The following RIC1 variants were observed in gnomAD, a reference collection of about 807,000 sequenced individuals.
RIC1 encodes guanine nucleotide exchange factor subunit RIC1.
In RIC1, 88 loss-of-function variants were observed where a neutral mutation model predicts 169.0. The observed-to-expected ratio is 0.52, with a 90% confidence interval of 0.44 to 0.62. RIC1 has a LOEUF of 0.62. Among genes scored for constraint, RIC1 ranks in the 20% least tolerant of loss-of-function variants. The pLI is 0.00. For synonymous variants in RIC1, 790 were observed against 601.5 expected (o/e 1.31, Z -4.59); for missense variants, 1,877 against 1,725.5 (o/e 1.09, Z -1.56).
At chr9:5,746,111 T>C (rs1284628430) in intron 11 of RIC1, 28 bp downstream of exon 11, 2 of 1,575,080 alleles carry the variant, frequency 1.3e-6, no homozygotes, top group South Asian at 1.2e-5. Flanking sequence ...TCTGATTTTT[T>C]AGTGTCTTTT....
At chr9:5,756,157 T>A in intron 15 of RIC1, 55 bp from the exon 16 acceptor site, 1 of 1,169,414 alleles carries the variant, frequency 8.6e-7, no homozygotes, top group Non-Finnish European at 1.1e-6. Context: ...AAGTATTTGG[T>A]CATCCCTAGT....
chr9:5,721,656 T>C (rs1823597394), intron 6 of RIC1, among the ~76,000 whole-genome samples: 1 of 152,244 alleles, frequency 6.6e-6, no homozygotes, highest in Non-Finnish European at 1.5e-5. Context: ...TTTTTGGGCT[T>C]GAAAGTGGGT....
intron 4 of RIC1, 41 bp downstream of exon 4, chr9:5,714,044 T>C: frequency 8.0e-7 from 1 of 1,256,190 alleles, no homozygotes; most frequent in Non-Finnish European, 1.1e-6. Context: ...GTGATGACAG[T>C]AGACAATGTA....
chr9:5,734,255 C>T (rs1389041201), intron 7 of RIC1, among the ~76,000 whole-genome samples: 2 of 151,846 alleles, frequency 1.3e-5, no homozygotes, highest in Admixed American at 1.3e-4. Context: ...TGCAGGCATG[C>T]ACCACCATGC....
intron 2 of RIC1, among the ~76,000 whole-genome samples, chr9:5,669,710 C>G (rs188927604): frequency 3.3e-5 from 5 of 152,208 alleles, no homozygotes; most frequent in African/African-American, 1.2e-4. Context: ...TGGGTTCTTG[C>G]AGTGGCAAAG....
At chr9:5,764,762 G>A (rs1042342978) in intron 19 of RIC1, among the ~76,000 whole-genome samples, 2 of 152,130 alleles carry the variant, frequency 1.3e-5, no homozygotes, top group African/African-American at 2.4e-5. Context: ...TTTTGGTTCC[G>A]GGTCACTCCC....
chr9:5,755,670 C>T (rs575760427), intron 15 of RIC1, among the ~76,000 whole-genome samples: 1 of 152,156 alleles, frequency 6.6e-6, no homozygotes, highest in African/African-American at 2.4e-5. Context: ...TGCCTGTAAT[C>T]CAAGCACTTT....
At chr9:5,675,648 A>G (rs925704259) in intron 2 of RIC1, among the ~76,000 whole-genome samples, 1 of 152,196 alleles carries the variant, frequency 6.6e-6, no homozygotes, top group Non-Finnish European at 1.5e-5. Context: ...TTCTGATATA[A>G]AAATAAAGCT....
In RIC1 at chr9:5,662,461, G is replaced by C. The variant is rs903448917; in HGVS notation, c.252+5771G>C. Among the ~76,000 whole-genome samples the C allele has an allele frequency of 4.4e-5, 6 of 136,894 alleles. No homozygotes were observed. The Admixed American group carries it at 4.6e-4, about 10-fold the overall frequency. The allele number at this position is 136,894 out of a possible 152,430, so 89.8% of individuals were successfully genotyped here. ...ATTCAGCTGTGAATCTGTCTGTCCT[G>C]GGCTGGTTTTTTTTTTTGGGTTGCT... On this transcript the variant is annotated intron_variant, in intron 2 of 25. Transcript: ENST00000414202.
chr9:5,685,196 A>T (rs1211323961), intron 2 of RIC1, among the ~76,000 whole-genome samples: 1 of 149,696 alleles, frequency 6.7e-6, no homozygotes, highest in Non-Finnish European at 1.5e-5. Context: ...AAATGGCCAT[A>T]CTGCCCAAGG....
chr9:5,680,013 C>T (rs1820717033), intron 2 of RIC1, among the ~76,000 whole-genome samples: 1 of 152,114 alleles, frequency 6.6e-6, no homozygotes, highest in Non-Finnish European at 1.5e-5. Context: ...GAGATACATC[C>T]CATCAATACC....
intron 2 of RIC1, among the ~76,000 whole-genome samples, chr9:5,683,886 A>G (rs887039474): frequency 3.3e-5 from 5 of 151,998 alleles, no homozygotes; most frequent in Non-Finnish European, 7.4e-5. Context: ...TTGCAGTTTG[A>G]TCTCAGACTG....
intron 6 of RIC1, among the ~76,000 whole-genome samples, chr9:5,726,840 T>G (rs1824024033): frequency 6.6e-6 from 1 of 152,224 alleles, no homozygotes; most frequent in African/African-American, 2.4e-5. Context: ...TATGAAATTC[T>G]GGGTTGAAAA....
At chr9:5,746,162 C>T (rs896144458) in intron 11 of RIC1, 79 bp downstream of exon 11, 55 of 1,008,370 alleles carry the variant, frequency 5.5e-5, no homozygotes, top group Non-Finnish European at 7.2e-5. Flanking sequence ...ATATGTATGG[C>T]GTATACTTCT....
At chr9:5,675,049 G>C (rs1220071442) in intron 2 of RIC1, among the ~76,000 whole-genome samples, 1 of 152,222 alleles carries the variant, frequency 6.6e-6, no homozygotes, top group Non-Finnish European at 1.5e-5. Context: ...CGCCCTTACA[G>C]ATGGAGCAAT....
In RIC1 at chr9:5,762,666, T is replaced by C. The variant is rs1826420322; in HGVS notation, c.2112+6T>C. The C allele has an allele frequency of 6.2e-7, 1 of 1,612,938 alleles. No homozygotes were observed. Among genetic ancestry groups the C allele is most frequent in the East Asian group, 2.2e-5 (1 of 44,744 alleles). ...CTAATAACCAAAGGAAACTTGTGAG[T>C]AAAGTACTAGTCATTTCTTTTCAAA... On this transcript the variant is annotated splice_donor_region_variant and intron_variant, in intron 18 of 25. Transcript: ENST00000414202.
intron 6 of RIC1, among the ~76,000 whole-genome samples, chr9:5,726,847 A>G (rs28862269): frequency 0.011 from 1,723 of 152,318 alleles, 33 homozygotes; most frequent in African/African-American, 0.039. Context: ...TTCTGGGTTG[A>G]AAATTCTTTT....
At chr9:5,712,090 T>G (rs1386186585) in intron 3 of RIC1, among the ~76,000 whole-genome samples, 1 of 152,262 alleles carries the variant, frequency 6.6e-6, no homozygotes, top group Middle Eastern at 3.4e-3. Flanking sequence ...GGTATATACC[T>G]AGTAATGGGA....
intron 4 of RIC1, among the ~76,000 whole-genome samples, chr9:5,716,081 C>T (rs111505874): frequency 2.1e-4 from 32 of 152,042 alleles, no homozygotes; most frequent in African/African-American, 7.5e-4. Flanking sequence ...TAAGCTCAAG[C>T]GATCTCCCCT....
Sources: gnomAD v4.1 joint callset for allele counts (sites outside exome capture counted in the v4.1 genomes callset) on GRCh38, gnomAD v4.1.1 for gene constraint, MANE v1.5 for transcripts, NCBI Gene and HGNC (gene_info 2026-07-23, HGNC 2026-07-21) for gene names.